The following CADM2 variants were observed in gnomAD, a reference collection of about 807,000 sequenced individuals.
CADM2 encodes the protein cell adhesion molecule 2.
Under a neutral mutation model 49.8 loss-of-function variants are expected in CADM2, and 12 were observed. The ratio of observed to expected loss-of-function variants is 0.24; its 90% CI spans 0.15 to 0.39. The LOEUF (loss-of-function observed/expected upper bound fraction) is 0.39. Ranked by LOEUF, CADM2 falls within the 10% of genes least tolerant of loss-of-function variation. The probability of loss-of-function intolerance (pLI) is 1.00; values close to 1 mark genes in which losing one functional copy is unlikely to be tolerated. For synonymous variants in CADM2, 214 were observed against 175.4 expected, an observed-to-expected ratio of 1.22 and a Z score of -1.74; for missense variants, 378 against 492.3, an observed-to-expected ratio of 0.77 and a Z score of 2.20.
intron 1 of CADM2, among the ~76,000 whole-genome samples, chr3:85,035,755 T>C (rs909748364): frequency 2.2e-4 from 33 of 152,150 alleles, no homozygotes; most frequent in African/African-American, 7.5e-4. Context: ...TGCTTCTGGG[T>C]TTCTCTGTTC....
chr3:85,032,641 G>C (rs2035036547), intron 1 of CADM2, among the ~76,000 whole-genome samples: 1 of 152,014 alleles, frequency 6.6e-6, no homozygotes, highest in South Asian at 2.1e-4. Flanking sequence ...TTAATCATCG[G>C]AGAAGTCTGC....
At position 85,347,546 on chromosome 3, in the gene CADM2, AAT is replaced by A. The variant is rs1164746449; in HGVS notation, c.62-378968_62-378967del. On this transcript the variant is annotated intron_variant, in intron 1 of 9. Transcript: ENST00000383699. The stretch of plus-strand genomic sequence containing the variant: ...ATATAAATGTATACACACATATATA[AAT>A]ATATATACACACATATATATAAATA... Among the ~76,000 whole-genome samples the A allele has an allele frequency of 3.4e-5, 5 of 146,216 alleles. No individual in the cohort carries two copies. The East Asian group carries it at 9.8e-4, about 29-fold the overall frequency.
In CADM2 at chr3:85,854,070, T is replaced by C. The variant is rs1304797683; in HGVS notation, c.239-29221T>C. ...CCAGAACTCCCTCTTTTCCAGGATA[T>C]AGTAAGACATGATGTTATTTTATAG... On this transcript the variant is annotated intron_variant, in intron 3 of 9. Coordinates refer to ENST00000383699, the MANE Select transcript of CADM2 (RefSeq NM_001167675.2). Among the ~76,000 whole-genome samples, 4 of 152,200 alleles carry C rather than the reference T, an allele frequency of 2.6e-5. No individual in the cohort carries two copies. The East Asian group carries it at 7.7e-4, about 29-fold the overall frequency.
intron 1 of CADM2, among the ~76,000 whole-genome samples, chr3:85,527,126 C>A (rs2061177172): frequency 6.6e-6 from 1 of 152,054 alleles, no homozygotes; most frequent in Non-Finnish European, 1.5e-5. Context: ...TGTCTTACAC[C>A]TGTAATCACA....
intron 1 of CADM2, among the ~76,000 whole-genome samples, chr3:85,267,636 C>A (rs1156259885): frequency 6.6e-6 from 1 of 151,060 alleles, no homozygotes; most frequent in African/African-American, 2.4e-5. Flanking sequence ...ACTGTTTTTC[C>A]AGCCCTTAGA....
At chr3:85,778,130 G>A (rs527236614) in intron 2 of CADM2, among the ~76,000 whole-genome samples, 29 of 152,046 alleles carry the variant, frequency 1.9e-4, no homozygotes, top group Non-Finnish European at 3.7e-4. Flanking sequence ...ATGTTTAGGG[G>A]GAATAAAGAT....
chr3:85,743,916 T>C (rs1382622147), intron 2 of CADM2, among the ~76,000 whole-genome samples: 1 of 152,136 alleles, frequency 6.6e-6, no homozygotes, highest in African/African-American at 2.4e-5. Flanking sequence ...CCATATTAAA[T>C]TGTAAAATAA....
At chr3:85,921,331 C>A (rs921345771) in intron 6 of CADM2, among the ~76,000 whole-genome samples, 1 of 151,922 alleles carries the variant, frequency 6.6e-6, no homozygotes. Flanking sequence ...CACACACACA[C>A]AGACATACAC....
At chr3:85,491,028 C>T (rs2039648364) in intron 1 of CADM2, among the ~76,000 whole-genome samples, 1 of 152,102 alleles carries the variant, frequency 6.6e-6, no homozygotes, top group African/African-American at 2.4e-5. Flanking sequence ...TTTCTCAGAA[C>T]ACTTAGATTA....
chr3:85,590,783 G>T (rs892560558), intron 1 of CADM2, among the ~76,000 whole-genome samples: 3 of 151,808 alleles, frequency 2.0e-5, no homozygotes, highest in African/African-American at 7.2e-5. Flanking sequence ...CTAGAGGAAA[G>T]CTAAAGCAAT....
intron 1 of CADM2, among the ~76,000 whole-genome samples, chr3:85,304,758 T>G (rs972903001): frequency 9.2e-5 from 14 of 151,840 alleles, no homozygotes; most frequent in Non-Finnish European, 2.1e-4. Context: ...CTGCAGAATT[T>G]ATTGCTTCTT....
At chr3:85,626,476 T>C (rs1005966545) in intron 1 of CADM2, among the ~76,000 whole-genome samples, 1 of 152,002 alleles carries the variant, frequency 6.6e-6, no homozygotes, top group Non-Finnish European at 1.5e-5. Context: ...GACTGAGTTA[T>C]GTCTTCTCAC....
intron 1 of CADM2, among the ~76,000 whole-genome samples, chr3:85,309,612 AG>A (rs1383980336): frequency 1.3e-5 from 2 of 152,202 alleles, no homozygotes; most frequent in African/African-American, 4.8e-5. Context: ...TGTTATTATA[AG>A]GGTTTCTAAC....
At chr3:85,453,229 T>G (rs532157733) in intron 1 of CADM2, among the ~76,000 whole-genome samples, 69 of 152,286 alleles carry the variant, frequency 4.5e-4, no homozygotes, top group African/African-American at 1.7e-3. Flanking sequence ...TATTATTTCA[T>G]GTAAGTATAT....
chr3:85,944,778 G>T (rs552120044), intron 7 of CADM2, among the ~76,000 whole-genome samples: 1 of 150,734 alleles, frequency 6.6e-6, no homozygotes, highest in Non-Finnish European at 1.5e-5. Context: ...TTTAAAACAT[G>T]TGTGTAGAGG....
intron 3 of CADM2, among the ~76,000 whole-genome samples, chr3:85,856,001 T>G (rs1484222323): frequency 2.6e-5 from 4 of 152,300 alleles, no homozygotes; most frequent in Admixed American, 6.5e-5. Flanking sequence ...AGCATTGCAT[T>G]AGTTCATACT....
intron 3 of CADM2, among the ~76,000 whole-genome samples, chr3:85,828,328 G>T (rs1409122467): frequency 6.6e-6 from 1 of 151,878 alleles, no homozygotes; most frequent in Admixed American, 6.6e-5. Context: ...GTAAGCATCT[G>T]TGTTCTAAAC....
At chr3:85,120,392 A>T (rs1441640437) in intron 1 of CADM2, among the ~76,000 whole-genome samples, 1 of 152,222 alleles carries the variant, frequency 6.6e-6, no homozygotes, top group Non-Finnish European at 1.5e-5. Flanking sequence ...ACGTATATTT[A>T]TTGTAGCACT....
At chr3:85,179,959 A>G (rs1217754116) in intron 1 of CADM2, among the ~76,000 whole-genome samples, 1 of 152,112 alleles carries the variant, frequency 6.6e-6, no homozygotes, top group East Asian at 1.9e-4. Flanking sequence ...CACGTATTAT[A>G]TGCATAAAAA....
Sources: gnomAD v4.1 joint callset for allele counts (sites outside exome capture counted in the v4.1 genomes callset) on GRCh38, gnomAD v4.1.1 for gene constraint, MANE v1.5 for transcripts, NCBI Gene and HGNC (gene_info 2026-07-23, HGNC 2026-07-21) for gene names.